ERBB4: variants seen among roughly 807,000 people sequenced by gnomAD.
ERBB4 encodes receptor tyrosine-protein kinase erbB-4.
In ERBB4, 42 loss-of-function variants were observed where a neutral mutation model predicts 158.0. The ratio of observed to expected loss-of-function variants is 0.27; its 90% CI spans 0.21 to 0.34. The LOEUF (loss-of-function observed/expected upper bound fraction) is 0.34, where lower values mean the gene tolerates loss of function less well. Among genes scored for constraint, ERBB4 ranks in the 10% least tolerant of loss-of-function variants. ERBB4 has a pLI of 1.00. For synonymous variants in ERBB4, 583 were observed against 558.7 expected (o/e 1.04, Z -0.61); for missense variants, 1,333 against 1,624.1 (o/e 0.82, Z 3.08).
At chr2:211,846,860 C>T (rs13027991) in intron 3 of ERBB4, among the ~76,000 whole-genome samples, 33,011 of 152,014 alleles carry the variant, frequency 0.22, 3,718 homozygotes, top group South Asian at 0.33. Context: ...TCTCCAGTTC[C>T]CTATTTCACA....
intron 20 of ERBB4, chr2:211,535,582 A>T (rs2066624006): frequency 8.3e-6 from 1 of 120,792 alleles, no homozygotes; most frequent in African/African-American, 4.0e-5. Context: ...AGAGAGAGAG[A>T]GAGTGTATGT....
At position 211,384,079 on chromosome 2, in the gene ERBB4, A is replaced by G. The variant is rs2062633227; in HGVS notation, c.3482-19T>C. The G allele has an allele frequency of 6.4e-7, 1 of 1,572,472 alleles. No individual in the cohort carries two copies. The highest frequency in any genetic ancestry group is 1.7e-5 in the Admixed American group (1 of 59,950). On this transcript the variant is annotated intron_variant, in intron 27 of 27. Coordinates refer to ENST00000342788, the MANE Select transcript of ERBB4 (RefSeq NM_005235.3). ...AGGTATTCTAAAGGAATAAAAAAATATCAGCTAACCTCTAGTTTCTGGAAA... is the reference window on the plus strand; with the variant it reads ...AGGTATTCTAAAGGAATAAAAAAATGTCAGCTAACCTCTAGTTTCTGGAAA...
chr2:211,779,594 T>C (rs2075984133), intron 4 of ERBB4: 1 of 152,226 alleles, frequency 6.6e-6, no homozygotes, highest in African/African-American at 2.4e-5. Context: ...ATCTTATCCA[T>C]ATGGTCATTT....
At chr2:212,167,505 T>C (rs1245076148) in intron 1 of ERBB4, among the ~76,000 whole-genome samples, 1 of 152,116 alleles carries the variant, frequency 6.6e-6, no homozygotes, top group Non-Finnish European at 1.5e-5. Context: ...TATAAATTAA[T>C]TCTAACTATT....
chr2:211,791,595 G>A lies in ERBB4; in HGVS notation c.422-3436C>T, dbSNP rs545306633. Among the ~76,000 whole-genome samples, 17 of 151,924 alleles carry A rather than the reference G, an allele frequency of 1.1e-4. No individual in the cohort carries two copies. The South Asian group carries it at 3.1e-3, about 28-fold the overall frequency. On this transcript the variant is annotated intron_variant, in intron 3 of 27. Coordinates refer to ENST00000342788, the MANE Select transcript of ERBB4 (RefSeq NM_005235.3). ...TTACTTCCACTGCAGAAAATTATCA[G>A]AGTAAATTGAGAGAGACACAGATAG...
chr2:212,026,376 G>A (rs1351787403), intron 2 of ERBB4, among the ~76,000 whole-genome samples: 3 of 151,610 alleles, frequency 2.0e-5, no homozygotes, highest in East Asian at 1.9e-4. Flanking sequence ...AATATTCATC[G>A]TTGAGCTCAC....
At chr2:211,620,223 G>A (rs917251133) in intron 18 of ERBB4, among the ~76,000 whole-genome samples, 3 of 152,140 alleles carry the variant, frequency 2.0e-5, no homozygotes, top group East Asian at 1.9e-4. Flanking sequence ...GACAAAAACC[G>A]AAAAATCTCA....
At chr2:211,782,017 A>G (rs2076049500) in intron 4 of ERBB4, among the ~76,000 whole-genome samples, 1 of 151,968 alleles carries the variant, frequency 6.6e-6, no homozygotes, top group African/African-American at 2.4e-5. Flanking sequence ...CTATTCATAG[A>G]CCTCTTTATT....
chr2:211,467,001 A>G (rs1229977054), intron 20 of ERBB4, among the ~76,000 whole-genome samples: 1 of 152,134 alleles, frequency 6.6e-6, no homozygotes, highest in Non-Finnish European at 1.5e-5. Context: ...GGTGTAATGC[A>G]TTATATTATA....
intron 1 of ERBB4, among the ~76,000 whole-genome samples, chr2:212,373,992 A>G (rs191491398): frequency 0.075 from 8,358 of 111,254 alleles, 1,604 homozygotes; most frequent in Non-Finnish European, 0.12. Flanking sequence ...ATATCCATAT[A>G]TATCCATATA....
At chr2:211,991,433 T>G (rs1171994512) in intron 2 of ERBB4, among the ~76,000 whole-genome samples, 1 of 152,070 alleles carries the variant, frequency 6.6e-6, no homozygotes, top group Non-Finnish European at 1.5e-5. Flanking sequence ...AAAGAGATAC[T>G]GTCATCTAGC....
At chr2:212,387,114 G>T (rs1047011629) in intron 1 of ERBB4, among the ~76,000 whole-genome samples, 2 of 152,076 alleles carry the variant, frequency 1.3e-5, no homozygotes, top group Non-Finnish European at 2.9e-5. Flanking sequence ...AATTCATCCA[G>T]TTTAGAAATA....
At chr2:212,299,873 T>C (rs1047452952) in intron 1 of ERBB4, among the ~76,000 whole-genome samples, 20 of 151,622 alleles carry the variant, frequency 1.3e-4, no homozygotes, top group Non-Finnish European at 2.4e-4. Context: ...ACGGCAGAAA[T>C]TTTGTTTGTT....
At chr2:211,707,976 C>T (rs2073513315) in intron 9 of ERBB4, among the ~76,000 whole-genome samples, 1 of 152,040 alleles carries the variant, frequency 6.6e-6, no homozygotes, top group Non-Finnish European at 1.5e-5. Context: ...TTATCAAAAG[C>T]TGGTTAGTAA....
At chr2:212,048,944 T>C (rs1046262358) in intron 2 of ERBB4, among the ~76,000 whole-genome samples, 34 of 152,144 alleles carry the variant, frequency 2.2e-4, no homozygotes, top group African/African-American at 8.0e-4. Context: ...ACCAGTTGGG[T>C]TGGAAGAGAA....
At chr2:212,290,520 G>T (rs561186278) in intron 1 of ERBB4, among the ~76,000 whole-genome samples, 1 of 152,262 alleles carries the variant, frequency 6.6e-6, no homozygotes, top group East Asian at 1.9e-4. Flanking sequence ...CCCTAGGGAA[G>T]GGAAGCTCCT....
At chr2:212,456,905 C>T (rs1197414623) in intron 1 of ERBB4, among the ~76,000 whole-genome samples, 1 of 151,718 alleles carries the variant, frequency 6.6e-6, no homozygotes, top group Non-Finnish European at 1.5e-5. Flanking sequence ...TTTTTTCTCC[C>T]CTAAATATTC....
Position 211,589,103 on chromosome 2 carries a change from T to C in ERBB4, c.2302-27015A>G, listed in dbSNP as rs187239648. Among the ~76,000 whole-genome samples, 42 of 152,302 alleles carry C rather than the reference T, an allele frequency of 2.8e-4. No homozygotes were observed. In the East Asian group the frequency reaches 8.1e-3, roughly 29 times the overall value. On this transcript the variant is annotated intron_variant, in intron 19 of 27. Coordinates refer to ENST00000342788, the MANE Select transcript of ERBB4 (RefSeq NM_005235.3). The stretch of plus-strand genomic sequence containing the variant: ...TCACAGGCAATTATCAGCTTTAACA[T>C]TATTGTGGGCCCTAGGTAAGATCTC...
intron 20 of ERBB4, among the ~76,000 whole-genome samples, chr2:211,498,627 T>C (rs181513302): frequency 2.0e-5 from 3 of 152,260 alleles, no homozygotes; most frequent in East Asian, 3.9e-4. Context: ...ATTGACTCCA[T>C]AGTAAAAATT....
Sources: gnomAD v4.1 joint callset for allele counts (sites outside exome capture counted in the v4.1 genomes callset) on GRCh38, gnomAD v4.1.1 for gene constraint, MANE v1.5 for transcripts, NCBI Gene and HGNC (gene_info 2026-07-23, HGNC 2026-07-21) for gene names.